The following KIF20A variants were observed in gnomAD, a reference collection of about 807,000 sequenced individuals.
The protein encoded by KIF20A is kinesin-like protein KIF20A.
Under a neutral mutation model 113.0 loss-of-function variants are expected in KIF20A, and 66 were observed. The observed-to-expected ratio is 0.58, with a 90% CI of 0.48 to 0.72. The LOEUF (loss-of-function observed/expected upper bound fraction) is 0.72. KIF20A is among the 30% of genes least tolerant of loss of function. KIF20A has a pLI of 0.00. For synonymous variants in KIF20A, 376 were observed against 402.3 expected, an observed-to-expected ratio of 0.93 and a Z score of 0.78; for missense variants, 927 against 1,077.6, an observed-to-expected ratio of 0.86 and a Z score of 1.96.
At position 138,184,006 on chromosome 5, in the gene KIF20A, A is replaced by G; in HGVS notation, c.1253A>G (p.Gln418Arg). 1 of 1,614,198 alleles carries G rather than the reference A, an allele frequency of 6.2e-7. No homozygotes were observed. The highest frequency in any genetic ancestry group is 8.5e-7 in the Non-Finnish European group (1 of 1,180,036). The change falls in exon 11 of 19, where the codon CAG becomes CGG. Residue 418 changes from glutamine to arginine, a missense_variant. Physicochemically the swap from Gln to Arg is conservative, Grantham distance 43. Coordinates refer to ENST00000394894, the MANE Select transcript of KIF20A (RefSeq NM_005733.3). Reference protein sequence around the residue: ...DLAGSERCKDQKSGERLKEAG... With the variant: ...DLAGSERCKDRKSGERLKEAG... ...GCTGGCTCAGAGCGCTGCAAAGATCAGAAGAGTGGTGAACGGTTGAAGGAA... is the reference window on the plus strand; with the variant it reads ...GCTGGCTCAGAGCGCTGCAAAGATCGGAAGAGTGGTGAACGGTTGAAGGAA...
chr5:138,184,197 G>A (rs1407540302), intron 11 of KIF20A, 42 bp from the exon 12 acceptor site: 1 of 1,611,246 alleles, frequency 6.2e-7, no homozygotes, highest in Non-Finnish European at 8.5e-7. Context: ...CCAAAGGGCT[G>A]GTGTTCTGCT....
rs1329000053 is a variant in KIF20A, at chr5:138,187,610, TATG to T, written c.*200_*202del. The T allele has an allele frequency of 3.1e-5, 15 of 477,076 alleles. No individual in the cohort carries two copies. The East Asian group carries it at 5.0e-4, about 16-fold the overall frequency. 29.6% of individuals were successfully genotyped at this position (477,076 alleles called of 1,614,324 possible). On this transcript the variant is annotated 3_prime_UTR_variant, in exon 19 of 19. Coordinates refer to ENST00000394894, the MANE Select transcript of KIF20A (RefSeq NM_005733.3). The stretch of plus-strand genomic sequence containing the variant: ...GTTGTTGTTTTTTTTTATTTACTTA[TATG>T]ATTTCTATGCACACAAAAACAGTTA...
In KIF20A at chr5:138,185,578, C is replaced by T. The variant is rs769905030; in HGVS notation, c.1993C>T (p.His665Tyr). 1 of 1,614,124 alleles carries T rather than the reference C, an allele frequency of 6.2e-7. No homozygotes were observed. The highest frequency in any genetic ancestry group is 1.7e-5 in the Admixed American group (1 of 60,024). Residue 665 changes from histidine (H) to tyrosine (Y), a missense_variant, in exon 16 of 19, where the codon CAT becomes TAT. His to Tyr is a moderately conservative substitution (Grantham distance 83). Coordinates refer to ENST00000394894, the MANE Select transcript of KIF20A (RefSeq NM_005733.3). ...GGAAGCCAGACAACAGTCAGTGGCCCATCAGCAATCAGGGTCTGAATTGGC... is the reference window on the plus strand; with the variant it reads ...GGAAGCCAGACAACAGTCAGTGGCCTATCAGCAATCAGGGTCTGAATTGGC... ...LQEARQQSVA[H>Y]QQSGSELALR...
intron 15 of KIF20A, 46 bp downstream of exon 15, chr5:138,185,243 C>A: frequency 7.8e-7 from 1 of 1,284,060 alleles, no homozygotes; most frequent in Non-Finnish European, 1.1e-6. Flanking sequence ...AGATTTCCAT[C>A]ACTAGCTTGC....
chr5:138,181,000 A>G (rs1006962312), intron 2 of KIF20A, among the ~76,000 whole-genome samples: 1 of 152,240 alleles, frequency 6.6e-6, no homozygotes, highest in Non-Finnish European at 1.5e-5. Context: ...TGAATGAATG[A>G]CATAGGTGCT....
Position 138,187,135 on chromosome 5 carries a change from G to A in KIF20A, c.2395G>A (p.Val799Met). ...LAELQNNMVLVKLDLRKKAAC... is the reference protein window; with the variant it reads ...LAELQNNMVLMKLDLRKKAAC... ...TGAACTGCAGAACAACATGGTGCTA[G>A]TGAAACTGGACCTTCGGAAGAAGGC... The change falls in exon 19 of 19, where the codon GTG becomes ATG. Residue 799 changes from valine to methionine, a missense_variant. Coordinates refer to ENST00000394894, the MANE Select transcript of KIF20A (RefSeq NM_005733.3). 1 of 1,613,474 alleles carries A rather than the reference G, an allele frequency of 6.2e-7. No homozygotes were observed. The highest frequency in any genetic ancestry group is 8.5e-7 in the Non-Finnish European group (1 of 1,179,440).
At chr5:138,179,487 T>A in intron 1 of KIF20A, 173 bp from the exon 2 acceptor site, 1 of 579,616 alleles carries the variant, frequency 1.7e-6, no homozygotes, top group Non-Finnish European at 3.1e-6. Context: ...CTTCTCTCAA[T>A]TGTTCATTAA....
At position 138,184,272 on chromosome 5, in the gene KIF20A, C is replaced by G. The variant is rs1754707895; in HGVS notation, c.1386C>G (p.Ser462Arg). 4 of 1,614,036 alleles carry G rather than the reference C, an allele frequency of 2.5e-6. No individual in the cohort carries two copies. The highest frequency in any genetic ancestry group is 3.4e-6 in the Non-Finnish European group (4 of 1,180,020). The change falls in exon 12 of 19, where the codon AGC becomes AGG. Residue 462 changes from serine to arginine, a missense_variant. Transcript: ENST00000394894. The stretch of plus-strand genomic sequence containing the variant: ...AGAACCTGGTTCCCTTCCGTGACAG[C>G]AAGTTGACTCGAGTGTTCCAAGGTT... The part of the protein sequence containing the change: ...SKQNLVPFRD[S>R]KLTRVFQGFF...
rs1306292807 is a variant in KIF20A at position 138,182,942 on chromosome 5, G to A, written c.784G>A (p.Ala262Thr). 6.2e-7 allele frequency: 1 copy of A among 1,614,204 alleles called. No individual in the cohort carries two copies. Among genetic ancestry groups the A allele is most frequent in the South Asian group, 1.1e-5 (1 of 91,088 alleles). Residue 262 changes from alanine to threonine, a missense_variant, in exon 7 of 19, where the codon GCT becomes ACT. Ala to Thr is a moderately conservative substitution (Grantham distance 58). Coordinates refer to ENST00000394894, the MANE Select transcript of KIF20A (RefSeq NM_005733.3). ...GTSTSFDSGI[A>T]GLSSISQCTS... Reference sequence around the variant, plus strand: ...CAGCACCAGCTTCGACAGTGGCATTGCTGGGCTCTCTTCTATCAGTCAGTG... The same window carrying A: ...CAGCACCAGCTTCGACAGTGGCATTACTGGGCTCTCTTCTATCAGTCAGTG...
At chr5:138,186,455 T>C in intron 18 of KIF20A, 24 bp downstream of exon 18, 1 of 1,603,124 alleles carries the variant, frequency 6.2e-7, no homozygotes, top group East Asian at 2.2e-5. Flanking sequence ...ATATACCCAC[T>C]TCTGTCCTAC....
chr5:138,184,323 C>G lies in KIF20A; in HGVS notation c.1437C>G (p.Cys479Trp). The G allele has an allele frequency of 6.2e-7, 1 of 1,614,190 alleles. No homozygotes were observed. The highest frequency in any genetic ancestry group is 8.5e-7 in the Non-Finnish European group (1 of 1,180,014). The change falls in exon 12 of 19, where the codon TGC becomes TGG. Residue 479 changes from cysteine (C) to tryptophan (W), a missense_variant. Cys to Trp is a radical substitution (Grantham distance 215, BLOSUM62 -2). Coordinates refer to ENST00000394894, the MANE Select transcript of KIF20A (RefSeq NM_005733.3). The part of the protein sequence containing the change: ...QGFFTGRGRS[C>W]MIVNVNPCAS... ...TCTTCACAGGCCGAGGCCGTTCCTGCATGATTGTCAATGTGAATCCCTGTG... is the reference window on the plus strand; with the variant it reads ...TCTTCACAGGCCGAGGCCGTTCCTGGATGATTGTCAATGTGAATCCCTGTG...
At position 138,183,480 on chromosome 5, in the gene KIF20A, G is replaced by T. The variant is rs1467494786; in HGVS notation, c.1038G>T (p.Trp346Cys). The stretch of plus-strand genomic sequence containing the variant: ...CTCCTTTGGCCCCAGATCTCAACTG[G>T]ATTCATGTGCAAGATGCTGAGGAGG... Reference protein sequence around the residue: ...NGNPYVKDLNWIHVQDAEEAW... With the variant: ...NGNPYVKDLNCIHVQDAEEAW... Residue 346 changes from tryptophan to cysteine, a missense_variant, in exon 9 of 19, where the codon TGG becomes TGT. Transcript: ENST00000394894. The surrounding 1 kb of genome is among the most constrained non-coding windows in gnomAD (Gnocchi z 5.2). The T allele has an allele frequency of 6.2e-7, 1 of 1,614,104 alleles. No homozygotes were observed. Among genetic ancestry groups the T allele is most frequent in the Non-Finnish European group, 8.5e-7 (1 of 1,179,994 alleles).
chr5:138,179,652 C>A lies in KIF20A; in HGVS notation c.-21-8C>A. 1.9e-6 allele frequency: 3 copies of A among 1,612,736 alleles called. No individual in the cohort carries two copies. In the East Asian group the frequency reaches 6.7e-5, roughly 36 times the overall value. On this transcript the variant is annotated splice_region_variant and splice_polypyrimidine_tract_variant and intron_variant, in intron 1 of 18. Coordinates refer to ENST00000394894, the MANE Select transcript of KIF20A (RefSeq NM_005733.3). ...CTTCTCCCTGCCCACTTTTTGGTCTCTTTTTAGACCTAGGCTGCCCCTGCC... is the reference window on the plus strand; with the variant it reads ...CTTCTCCCTGCCCACTTTTTGGTCTATTTTTAGACCTAGGCTGCCCCTGCC...
chr5:138,181,288 A>G, intron 2 of KIF20A, 134 bp from the exon 3 acceptor site: 1 of 721,524 alleles, frequency 1.4e-6, no homozygotes, highest in Non-Finnish European at 2.4e-6. Context: ...GTGGAACCAA[A>G]GAGTAGCTGC....
At chr5:138,182,523 G>A (rs1754675505) in intron 5 of KIF20A, 62 bp downstream of exon 5, 1 of 1,612,016 alleles carries the variant, frequency 6.2e-7, no homozygotes, top group Non-Finnish European at 8.5e-7. Context: ...TTTACCTTTT[G>A]AGACTCTGAG....
Position 138,179,693 on chromosome 5 carries a change from A to G in KIF20A, c.13A>G (p.Ile5Val), listed in dbSNP as rs958659012. Residue 5 changes from isoleucine (I) to valine (V), a missense_variant, in exon 2 of 19, where the codon ATC becomes GTC. By Grantham distance (29) the Ile-to-Val change is conservative (BLOSUM62 3). Transcript: ENST00000394894. MSQG[I>V]LSPPAGLLSD... The stretch of plus-strand genomic sequence containing the variant: ...TGCCCCTGCCGTCATGTCGCAAGGG[A>G]TCCTTTCTCCGCCAGCGGGCTTGCT... 6.2e-7 allele frequency: 1 copy of G among 1,613,950 alleles called. No individual in the cohort carries two copies. The highest frequency in any genetic ancestry group is 8.5e-7 in the Non-Finnish European group (1 of 1,179,996).
intron 2 of KIF20A, among the ~76,000 whole-genome samples, chr5:138,180,662 G>GT (rs199633966): frequency 0.013 from 2,028 of 151,816 alleles, 40 homozygotes; most frequent in African/African-American, 0.046. Context: ...AAATATCTGG[G>GT]TTTTTTTTGT....
chr5:138,182,789 C>T lies in KIF20A; in HGVS notation c.702+16C>T. The T allele has an allele frequency of 1.9e-6, 3 of 1,613,542 alleles. No homozygotes were observed. Among genetic ancestry groups the T allele is most frequent in the African/African-American group, 1.3e-5 (1 of 75,006 alleles). Reference sequence around the variant, plus strand: ...CCTCCAAGAGGTAAAGCATTGGTATCCATGGCAGTGGGGGTAGGGGGTACA... The same window carrying T: ...CCTCCAAGAGGTAAAGCATTGGTATTCATGGCAGTGGGGGTAGGGGGTACA... On this transcript the variant is annotated intron_variant, in intron 6 of 18. Transcript: ENST00000394894.
intron 4 of KIF20A, 109 bp downstream of exon 4, chr5:138,181,837 C>T (rs1006770672): frequency 7.7e-7 from 1 of 1,294,886 alleles, no homozygotes; most frequent in Non-Finnish European, 1.1e-6. Context: ...TGTATATGCA[C>T]ACCTACAATT....
Sources: gnomAD v4.1 joint callset for allele counts (sites outside exome capture counted in the v4.1 genomes callset) on GRCh38, gnomAD v4.1.1 for gene constraint, Gnocchi (gnomAD v3.1) non-coding constraint, MANE v1.5 for transcripts, NCBI Gene and HGNC (gene_info 2026-07-23, HGNC 2026-07-21) for gene names.